The following CPA6 variants were observed in gnomAD, a reference collection of about 807,000 sequenced individuals.
CPA6 encodes carboxypeptidase B.
A neutral mutation model predicts 63.3 loss-of-function variants in CPA6; 58 were observed. That is an observed-to-expected ratio of 0.92 (90% CI 0.74 to 1.14). The LOEUF is 1.14. CPA6 is among the 50% of genes most tolerant of loss of function. The pLI, the probability that CPA6 is intolerant of heterozygous loss-of-function variation, is 0.00. For synonymous variants in CPA6, 185 were observed against 179.0 expected (o/e 1.03, Z -0.27); for missense variants, 565 against 526.6 (o/e 1.07, Z -0.71).
chr8:67,682,788 C>T (rs972531566), intron 1 of CPA6, among the ~76,000 whole-genome samples: 10 of 152,176 alleles, frequency 6.6e-5, no homozygotes, highest in Admixed American at 5.2e-4. Context: ...CCCTGAGAAC[C>T]TGTGAATTAT....
Position 67,541,481 on chromosome 8 carries a change from G to A in CPA6, c.193-23434C>T, listed in dbSNP as rs181341670. On this transcript the variant is annotated intron_variant, in intron 2 of 10. Transcript: ENST00000297770. Reference sequence around the variant, plus strand: ...GAAGATCCCTGTCCTGTTCTGTTCCGTTCTGATTACTGGTGCATGCAGCCC... The same window carrying A: ...GAAGATCCCTGTCCTGTTCTGTTCCATTCTGATTACTGGTGCATGCAGCCC... 5.9e-5 allele frequency among the ~76,000 whole-genome samples: 9 copies of A among 152,116 alleles called. No homozygotes were observed. The East Asian group carries it at 9.7e-4, about 16-fold the overall frequency.
chr8:67,677,342 C>CTTTT (rs35049117), intron 1 of CPA6, among the ~76,000 whole-genome samples: 4,651 of 128,208 alleles, frequency 0.036, 98 homozygotes, highest in Non-Finnish European at 0.049. Flanking sequence ...AAAACACCTT[C>CTTTT]TTTTTTTTTT....
intron 1 of CPA6, among the ~76,000 whole-genome samples, chr8:67,635,287 T>C (rs1032159588): frequency 3.3e-5 from 5 of 149,918 alleles, no homozygotes; most frequent in Admixed American, 2.0e-4. Context: ...TTCAACCTTT[T>C]TGTTGTTGCT....
intron 1 of CPA6, among the ~76,000 whole-genome samples, chr8:67,635,226 G>C (rs148044651): frequency 3.3e-5 from 5 of 151,718 alleles, no homozygotes; most frequent in Non-Finnish European, 7.3e-5. Flanking sequence ...TTCCAAGTTT[G>C]CTCCACTGTG....
chr8:67,499,714 T>C (rs1025944320), intron 6 of CPA6, among the ~76,000 whole-genome samples: 10 of 152,228 alleles, frequency 6.6e-5, no homozygotes, highest in Non-Finnish European at 1.3e-4. Context: ...AATTTTGTCA[T>C]TTAGAGAACA....
intron 8 of CPA6, among the ~76,000 whole-genome samples, chr8:67,451,565 T>C (rs181746983): frequency 1.9e-4 from 29 of 152,336 alleles, no homozygotes; most frequent in Non-Finnish European, 3.2e-4. Context: ...ATAAATGTAA[T>C]GTGCTTGAAT....
chr8:67,437,927 G>A (rs1380310032), intron 8 of CPA6, among the ~76,000 whole-genome samples: 1 of 121,436 alleles, frequency 8.2e-6, no homozygotes, highest in Non-Finnish European at 1.6e-5. Flanking sequence ...TTTCTGGGGG[G>A]TGGGGGGTGA....
intron 1 of CPA6, among the ~76,000 whole-genome samples, chr8:67,724,375 G>A (rs534554398): frequency 4.6e-5 from 7 of 152,216 alleles, no homozygotes; most frequent in South Asian, 4.2e-4. Context: ...GTGCCCCCAC[G>A]TCTCCCCTTT....
chr8:67,530,786 C>T (rs1812461171), intron 2 of CPA6, among the ~76,000 whole-genome samples: 1 of 152,156 alleles, frequency 6.6e-6, no homozygotes, highest in African/African-American at 2.4e-5. Context: ...AGGGCAATAG[C>T]CTCAGCTAAA....
At chr8:67,490,622 C>T (rs183493558) in intron 6 of CPA6, among the ~76,000 whole-genome samples, 3 of 152,288 alleles carry the variant, frequency 2.0e-5, no homozygotes, top group East Asian at 3.9e-4. Context: ...TGGGGCATTT[C>T]TGAAGTTAAT....
At chr8:67,606,711 G>A (rs989389580) in intron 2 of CPA6, among the ~76,000 whole-genome samples, 12 of 152,258 alleles carry the variant, frequency 7.9e-5, no homozygotes, top group African/African-American at 2.6e-4. Context: ...GTCCTTGGTT[G>A]GACCCAGCAT....
chr8:67,658,423 T>G (rs781091032), intron 1 of CPA6, among the ~76,000 whole-genome samples: 6 of 152,192 alleles, frequency 3.9e-5, no homozygotes, highest in Non-Finnish European at 8.8e-5. Context: ...TGCACAGATG[T>G]AATTTACAAA....
chr8:67,557,919 T>C (rs1563999601), intron 2 of CPA6, among the ~76,000 whole-genome samples: 1 of 151,992 alleles, frequency 6.6e-6, no homozygotes, highest in Non-Finnish European at 1.5e-5. Flanking sequence ...GAGGCAAGAG[T>C]GTTTAGATCA....
At chr8:67,482,647 A>G (rs149732556) in intron 8 of CPA6, among the ~76,000 whole-genome samples, 1 of 152,316 alleles carries the variant, frequency 6.6e-6, no homozygotes, top group African/African-American at 2.4e-5. Context: ...GGTTACTGAT[A>G]CTTAGATCCC....
intron 6 of CPA6, among the ~76,000 whole-genome samples, chr8:67,499,210 G>C (rs142950308): frequency 6.6e-6 from 1 of 152,122 alleles, no homozygotes; most frequent in Non-Finnish European, 1.5e-5. Context: ...GGCATGGGAC[G>C]GTAATGCTGG....
chr8:67,506,049 A>T (rs1452113752), intron 6 of CPA6, among the ~76,000 whole-genome samples: 1 of 151,892 alleles, frequency 6.6e-6, no homozygotes, highest in Non-Finnish European at 1.5e-5. Flanking sequence ...CAAAACTAAA[A>T]GTCAAGGTTA....
At chr8:67,507,611 A>G (rs933369004) in intron 5 of CPA6, among the ~76,000 whole-genome samples, 1 of 152,196 alleles carries the variant, frequency 6.6e-6, no homozygotes, top group African/African-American at 2.4e-5. Flanking sequence ...AATGTCAGAC[A>G]TCGTGCTCAG....
At chr8:67,457,877 C>T (rs1345713220) in intron 8 of CPA6, among the ~76,000 whole-genome samples, 1 of 152,200 alleles carries the variant, frequency 6.6e-6, no homozygotes, top group Non-Finnish European at 1.5e-5. Flanking sequence ...CTCCCCATCT[C>T]TTTGCCTTTG....
At chr8:67,547,167 C>T (rs1411784972) in intron 2 of CPA6, among the ~76,000 whole-genome samples, 2 of 152,004 alleles carry the variant, frequency 1.3e-5, no homozygotes, top group East Asian at 2.0e-4. Flanking sequence ...CTGCCTCAGC[C>T]TCCCGAGTAG....
Sources: gnomAD v4.1 joint callset for allele counts (sites outside exome capture counted in the v4.1 genomes callset) on GRCh38, gnomAD v4.1.1 for gene constraint, MANE v1.5 for transcripts, NCBI Gene and HGNC (gene_info 2026-07-23, HGNC 2026-07-21) for gene names.